OCA2: variants seen among roughly 807,000 people sequenced by gnomAD.
OCA2 encodes OCA2 melanosomal transmembrane protein.
In OCA2, 77 loss-of-function variants were observed where a neutral mutation model predicts 100.2. The ratio of observed to expected loss-of-function variants is 0.77; its 90% confidence interval spans 0.64 to 0.93. The LOEUF (loss-of-function observed/expected upper bound fraction) is 0.93, where lower values mean the gene tolerates loss of function less well. Ranked by LOEUF, OCA2 falls within the 40% of genes least tolerant of loss-of-function variation. The pLI, the probability that OCA2 is intolerant of heterozygous loss-of-function variation, is 0.00. For synonymous variants in OCA2, 432 were observed against 439.2 expected (o/e 0.98, Z 0.21); for missense variants, 1,062 against 1,089.1 (o/e 0.98, Z 0.35).
intron 23 of OCA2, among the ~76,000 whole-genome samples, chr15:27,831,482 T>C (rs563174361): frequency 6.6e-5 from 10 of 152,122 alleles, no homozygotes; most frequent in Non-Finnish European, 1.3e-4. Context: ...GTAACCCGAT[T>C]GTTTTCAGCC....
chr15:27,861,099 T>C (rs2036113394), intron 21 of OCA2, among the ~76,000 whole-genome samples: 1 of 152,160 alleles, frequency 6.6e-6, no homozygotes, highest in African/African-American at 2.4e-5. Flanking sequence ...CAGGAGGGCA[T>C]GTGGTCCTTG....
At chr15:27,789,330 TA>T (rs1348997647) in intron 23 of OCA2, among the ~76,000 whole-genome samples, 1 of 152,194 alleles carries the variant, frequency 6.6e-6, no homozygotes, top group Non-Finnish European at 1.5e-5. Context: ...TGTTTTGTTT[TA>T]AATCTGGTCA....
chr15:28,076,614 G>A (rs940866206), intron 2 of OCA2, among the ~76,000 whole-genome samples: 1 of 151,918 alleles, frequency 6.6e-6, no homozygotes. Flanking sequence ...TTGGGAGGCC[G>A]AGGCGGGTGG....
chr15:27,992,124 G>T (rs559315336), intron 9 of OCA2, among the ~76,000 whole-genome samples: 3 of 150,140 alleles, frequency 2.0e-5, no homozygotes, highest in African/African-American at 7.4e-5. Flanking sequence ...TTTTTGAGAC[G>T]GAGTCTCACT....
At chr15:27,848,014 C>T (rs947084753) in intron 22 of OCA2, among the ~76,000 whole-genome samples, 4 of 152,238 alleles carry the variant, frequency 2.6e-5, no homozygotes, top group African/African-American at 9.6e-5. Flanking sequence ...CAGGCATCTC[C>T]TCACCACGCA....
the OCA2 span, among the ~76,000 whole-genome samples, chr15:27,735,371 G>A: frequency 6.6e-6 from 1 of 152,032 alleles, no homozygotes; most frequent in African/African-American, 2.4e-5. Flanking sequence ...AAAATTTATA[G>A]GACAACATCA....
chr15:28,088,859 A>T (rs2044824232), intron 1 of OCA2, among the ~76,000 whole-genome samples: 1 of 152,204 alleles, frequency 6.6e-6, no homozygotes, highest in Non-Finnish European at 1.5e-5. Context: ...CTTTGATGAC[A>T]TCTTAATCAG....
chr15:27,961,190 AT>A (rs1301798356), intron 15 of OCA2, among the ~76,000 whole-genome samples: 1 of 152,214 alleles, frequency 6.6e-6, no homozygotes. Flanking sequence ...CAACAAACAT[AT>A]GAAAAAAAGC....
At chr15:27,896,515 A>G in intron 19 of OCA2, 1 of 514,816 alleles carries the variant, frequency 1.9e-6, no homozygotes, top group African/African-American at 1.9e-5. Flanking sequence ...CTTGCTCAAA[A>G]GAAAGATTGA....
chr15:27,792,793 C>T (rs189428710), intron 23 of OCA2, among the ~76,000 whole-genome samples: 160 of 152,308 alleles, frequency 1.1e-3, no homozygotes, highest in Non-Finnish European at 2.5e-4. Flanking sequence ...TCCCATGGCC[C>T]AATAAAACTT....
downstream of OCA2, among the ~76,000 whole-genome samples, chr15:27,753,550 A>G (rs2030148318): frequency 1.3e-5 from 2 of 152,110 alleles, no homozygotes; most frequent in South Asian, 4.2e-4. Flanking sequence ...TGGCTAACAC[A>G]GTGAAACCCC....
chr15:27,810,269 T>A (rs2034021910), intron 23 of OCA2, among the ~76,000 whole-genome samples: 1 of 152,182 alleles, frequency 6.6e-6, no homozygotes, highest in African/African-American at 2.4e-5. Context: ...GGACACCCTA[T>A]TTACTAAATG....
chr15:27,812,069 A>G (rs2034101893), intron 23 of OCA2, among the ~76,000 whole-genome samples: 1 of 152,204 alleles, frequency 6.6e-6, no homozygotes, highest in Admixed American at 6.5e-5. Context: ...ACGTCCACAA[A>G]AAAGTGGAGT....
chr15:28,000,316 T>C (rs931639211), intron 9 of OCA2, among the ~76,000 whole-genome samples: 2 of 152,186 alleles, frequency 1.3e-5, no homozygotes, highest in African/African-American at 4.8e-5. Flanking sequence ...CCATGCATGT[T>C]ACAGTCAACT....
At chr15:27,932,424 AG>A (rs1208049206) in intron 18 of OCA2, among the ~76,000 whole-genome samples, 4 of 149,364 alleles carry the variant, frequency 2.7e-5, no homozygotes, top group Non-Finnish European at 5.9e-5. Flanking sequence ...AAATCTGGGG[AG>A]AGTTTCTTTG....
chr15:27,771,336 A>G (rs2151043405), intron 23 of OCA2, among the ~76,000 whole-genome samples: 1 of 151,418 alleles, frequency 6.6e-6, no homozygotes, highest in African/African-American at 2.4e-5. Flanking sequence ...GGGCGGCGCT[A>G]TAGAGAGGAC....
At chr15:27,853,950 G>T (rs1399011913) in intron 21 of OCA2, among the ~76,000 whole-genome samples, 1 of 152,234 alleles carries the variant, frequency 6.6e-6, no homozygotes, top group Non-Finnish European at 1.5e-5. Context: ...GCCACCCTCT[G>T]CTGGGTGCTC....
At chr15:27,736,013 AGGTAATACATAT>A in the OCA2 span, among the ~76,000 whole-genome samples, 1 of 152,230 alleles carries the variant, frequency 6.6e-6, no homozygotes, top group Non-Finnish European at 1.5e-5. Flanking sequence ...TAACTATGTA[AGGTAATACATAT>A]GGTAATTAGT....
chr15:27,749,796 C>T, the OCA2 span, among the ~76,000 whole-genome samples: 193 of 152,140 alleles, frequency 1.3e-3, 1 homozygote, highest in Middle Eastern at 3.4e-3. Flanking sequence ...AGGTTATGCA[C>T]GCTGAAAATT....
Sources: allele counts gnomAD v4.1 joint callset (sites outside exome capture counted in the v4.1 genomes callset), GRCh38; gene constraint gnomAD v4.1.1; transcripts MANE v1.5; gene names NCBI Gene and HGNC (gene_info 2026-07-23, HGNC 2026-07-21).